The following ANKRD33B variants were observed in gnomAD, a reference collection of about 807,000 sequenced individuals.
ANKRD33B encodes the protein ankyrin repeat domain 33B.
A neutral mutation model predicts 21.5 loss-of-function variants in ANKRD33B; 6 were observed. The observed-to-expected ratio is 0.28, with a 90% CI of 0.15 to 0.55. The LOEUF is 0.55. Among genes scored for constraint, ANKRD33B ranks in the 20% least tolerant of loss-of-function variants. ANKRD33B has a pLI of 0.94. For synonymous variants in ANKRD33B, 347 were observed against 342.4 expected, an observed-to-expected ratio of 1.01 and a Z score of -0.15; for missense variants, 698 against 747.2, an observed-to-expected ratio of 0.93 and a Z score of 0.77.
intron 3 of ANKRD33B, among the ~76,000 whole-genome samples, chr5:10,648,913 T>G (rs1737250839): frequency 6.6e-6 from 1 of 152,144 alleles, no homozygotes; most frequent in Admixed American, 6.5e-5. Context: ...GGAGGATTGC[T>G]TGAACCCAGC....
chr5:10,588,555 A>T (rs773467264), intron 1 of ANKRD33B, among the ~76,000 whole-genome samples: 3 of 152,238 alleles, frequency 2.0e-5, no homozygotes, highest in Non-Finnish European at 4.4e-5. Flanking sequence ...GTAGGATTAG[A>T]CTTTCCTCCC....
intron 1 of ANKRD33B, among the ~76,000 whole-genome samples, chr5:10,582,779 C>CT (rs1735470851): frequency 6.6e-6 from 1 of 152,216 alleles, no homozygotes; most frequent in African/African-American, 2.4e-5. Context: ...CCGTGGGCTC[C>CT]TTTGCCGCAT....
chr5:10,596,327 C>A (rs1474946838), intron 1 of ANKRD33B, among the ~76,000 whole-genome samples: 1 of 152,150 alleles, frequency 6.6e-6, no homozygotes, highest in Non-Finnish European at 1.5e-5. Flanking sequence ...CTGCCTCACA[C>A]CCCCTGATAA....
intron 1 of ANKRD33B, among the ~76,000 whole-genome samples, chr5:10,605,623 G>T (rs1045497583): frequency 2.6e-5 from 4 of 151,994 alleles, no homozygotes; most frequent in Non-Finnish European, 5.9e-5. Context: ...CCGCCTCCCG[G>T]GTTCAAGTGA....
In ANKRD33B at chr5:10,649,563, C is replaced by G; in HGVS notation, c.935C>G (p.Thr312Ser). The change falls in exon 4 of 4, where the codon ACC becomes AGC. Residue 312 changes from threonine to serine, a missense_variant. Coordinates refer to ENST00000296657, the MANE Select transcript of ANKRD33B (RefSeq NM_001164440.2). ...GTCCTGGACCACATGGTCCGGATGACCACGAGCCTCTACAGCCCCGCCGTG... is the reference window on the plus strand; with the variant it reads ...GTCCTGGACCACATGGTCCGGATGAGCACGAGCCTCTACAGCCCCGCCGTG... ...GGVLDHMVRM[T>S]TSLYSPAVAI... The G allele has an allele frequency of 6.6e-7, 1 of 1,524,412 alleles. No individual in the cohort carries two copies. The highest frequency in any genetic ancestry group is 1.2e-5 in the South Asian group (1 of 82,702). 94.4% of individuals were successfully genotyped at this position (1,524,412 alleles called of 1,614,324 possible).
chr5:10,600,752 G>T (rs1236708735), intron 1 of ANKRD33B, among the ~76,000 whole-genome samples: 1 of 152,098 alleles, frequency 6.6e-6, no homozygotes, highest in Non-Finnish European at 1.5e-5. Context: ...TCCCAGTGTG[G>T]TTCTTCCATT....
chr5:10,635,434 G>A (rs949656988), intron 2 of ANKRD33B, among the ~76,000 whole-genome samples: 2 of 152,214 alleles, frequency 1.3e-5, no homozygotes, highest in Non-Finnish European at 2.9e-5. Flanking sequence ...AGTAAAGGAC[G>A]AGGGAGAGCA....
At chr5:10,610,144 G>T (rs1736132971) in intron 1 of ANKRD33B, among the ~76,000 whole-genome samples, 1 of 152,218 alleles carries the variant, frequency 6.6e-6, no homozygotes, top group South Asian at 2.1e-4. Flanking sequence ...TTGGGAATTG[G>T]TGAGAATGAA....
intron 1 of ANKRD33B, among the ~76,000 whole-genome samples, chr5:10,567,812 A>G (rs1371207859): frequency 6.6e-6 from 1 of 152,206 alleles, no homozygotes; most frequent in African/African-American, 2.4e-5. Flanking sequence ...CTGGTCTCCA[A>G]GCTTATCATG....
In ANKRD33B at chr5:10,650,746, G is replaced by A. The variant is rs911596742; in HGVS notation, c.*633G>A. On this transcript the variant is annotated 3_prime_UTR_variant, in exon 4 of 4. Transcript: ENST00000296657. ...GAGCCACATGATCAAGTGAGACAGA[G>A]GATCAGATGTTACTGTATCTTTTTA... 2.0e-5 allele frequency: 3 copies of A among 152,354 alleles called. No homozygotes were observed. Among genetic ancestry groups the A allele is most frequent in the African/African-American group, 7.2e-5 (3 of 41,462 alleles). The allele number at this position is 152,354 out of a possible 1,614,324, so 9.4% of individuals were successfully genotyped here.
intron 1 of ANKRD33B, among the ~76,000 whole-genome samples, chr5:10,597,506 T>C (rs189672571): frequency 6.6e-6 from 1 of 152,258 alleles, no homozygotes; most frequent in East Asian, 1.9e-4. Context: ...CCTAAATATA[T>C]ATGCACCCAA....
intron 1 of ANKRD33B, among the ~76,000 whole-genome samples, chr5:10,565,377 C>T (rs537840870): frequency 6.6e-6 from 1 of 152,346 alleles, no homozygotes; most frequent in African/African-American, 2.4e-5. Context: ...TTTCTTCCCT[C>T]GCCGGGACAG....
rs181788258 is a variant in ANKRD33B at position 10,576,106 on chromosome 5, A to G, written c.366+11273A>G. ...ATTGTGGAAGATGCTACCTTTGGGG[A>G]GGACAGGTGAAGGGTACAAGTTCTT... On this transcript the variant is annotated intron_variant, in intron 1 of 3. Coordinates refer to ENST00000296657, the MANE Select transcript of ANKRD33B (RefSeq NM_001164440.2). This position sits in a 1 kb window ranked among gnomAD's most constrained non-coding sequence, Gnocchi z 4.1. Among the ~76,000 whole-genome samples, 60 of 152,200 alleles carry G rather than the reference A, an allele frequency of 3.9e-4. No homozygotes were observed. The highest frequency in any genetic ancestry group is 6.9e-4 in the Non-Finnish European group (47 of 68,042).
chr5:10,608,106 T>C (rs182607720), intron 1 of ANKRD33B, among the ~76,000 whole-genome samples: 43 of 149,478 alleles, frequency 2.9e-4, no homozygotes, highest in African/African-American at 9.8e-4. Context: ...CCTAGGACTT[T>C]GGGAGGCTGA....
chr5:10,601,523 G>T (rs938938668), intron 1 of ANKRD33B, among the ~76,000 whole-genome samples: 1 of 152,170 alleles, frequency 6.6e-6, no homozygotes, highest in Non-Finnish European at 1.5e-5. Flanking sequence ...CCATCCTCTG[G>T]GCCGAGCCTG....
At position 10,653,621 on chromosome 5, in the gene ANKRD33B, C is replaced by T. The variant is rs1737410863; in HGVS notation, c.*3508C>T. The T allele has an allele frequency of 6.6e-6, 1 of 152,420 alleles. No homozygotes were observed. Among genetic ancestry groups the T allele is most frequent in the Non-Finnish European group, 1.5e-5 (1 of 68,128 alleles). The allele number at this position is 152,420 out of a possible 1,614,324, so 9.4% of individuals were successfully genotyped here. A position where few individuals can be genotyped will look rare whatever the true frequency, so the allele number is the denominator to read the frequency against. ...TGGACAGAAACACCCCCTCGTCTTC[C>T]TGAGCCATTTGGAAGCCCTTTCCTC... is the stretch of plus-strand genomic sequence containing the variant. On this transcript the variant is annotated 3_prime_UTR_variant, in exon 4 of 4. Transcript: ENST00000296657.
chr5:10,640,570 G>A (rs185156172), intron 3 of ANKRD33B, among the ~76,000 whole-genome samples: 2 of 152,336 alleles, frequency 1.3e-5, no homozygotes, highest in East Asian at 1.9e-4. Context: ...AGCACATGTC[G>A]TGTTAGATTC....
In ANKRD33B at chr5:10,591,194, G is replaced by GTTTTTTTTTTTTTTTTTTTTTT. The variant is rs749837253; in HGVS notation, c.366+26361_366+26362insTTTTTTTTTTTTTTTTTTTTTT. Among the ~76,000 whole-genome samples, 6 of 113,456 alleles carry GTTTTTTTTTTTTTTTTTTTTTT rather than the reference G, an allele frequency of 5.3e-5. 1 individual carries two copies. Among genetic ancestry groups the GTTTTTTTTTTTTTTTTTTTTTT allele is most frequent in the Non-Finnish European group, 5.3e-5 (3 of 56,950 alleles). The allele number at this position is 113,456 out of a possible 152,430, so 74.4% of individuals were successfully genotyped here. A position where few individuals can be genotyped will look rare whatever the true frequency, so the allele number is the denominator to read the frequency against. On this transcript the variant is annotated intron_variant, in intron 1 of 3. Coordinates refer to ENST00000296657, the MANE Select transcript of ANKRD33B (RefSeq NM_001164440.2). Reference sequence around the variant, plus strand: ...AATAGTCATCTACATTTTTTTTAGTGGTTTTTTTTTTTTTTTGAGATGGAG... The same window carrying GTTTTTTTTTTTTTTTTTTTTTT: ...AATAGTCATCTACATTTTTTTTAGTGTTTTTTTTTTTTTTTTTTTTTTGTTTTTTTTTTTTTTTGAGATGGAG...
intron 1 of ANKRD33B, among the ~76,000 whole-genome samples, chr5:10,603,302 G>A (rs925761865): frequency 2.7e-5 from 4 of 150,134 alleles, no homozygotes; most frequent in Admixed American, 2.0e-4. Flanking sequence ...TCATTCCCTC[G>A]CCCAGGCTGG....
Sources: allele counts gnomAD v4.1 joint callset (sites outside exome capture counted in the v4.1 genomes callset), GRCh38; gene constraint gnomAD v4.1.1; non-coding constraint Gnocchi (gnomAD v3.1); transcripts MANE v1.5; gene names NCBI Gene and HGNC (gene_info 2026-07-23, HGNC 2026-07-21).